COL13A1: variants seen among roughly 807,000 people sequenced by gnomAD.
COL13A1 encodes the protein collagen type XIII alpha 1 chain.
A neutral mutation model predicts 130.9 loss-of-function variants in COL13A1; 89 were observed. The ratio of observed to expected loss-of-function variants is 0.68; its 90% CI spans 0.57 to 0.81. The LOEUF (loss-of-function observed/expected upper bound fraction) is 0.81, where lower values mean the gene tolerates loss of function less well. Ranked by LOEUF, COL13A1 falls within the 30% of genes least tolerant of loss-of-function variation. The pLI is 0.00. For synonymous variants in COL13A1, 402 were observed against 341.6 expected, an observed-to-expected ratio of 1.18 and a Z score of -1.95; for missense variants, 879 against 934.6, an observed-to-expected ratio of 0.94 and a Z score of 0.78.
chr10:69,867,314 G>T (rs116413772), intron 2 of COL13A1, among the ~76,000 whole-genome samples: 3,735 of 152,328 alleles, frequency 0.025, 159 homozygotes, highest in African/African-American at 0.086. Flanking sequence ...CTCAGGCAGG[G>T]TGCACAGTGG....
At chr10:69,818,844 T>C (rs371325656) in intron 1 of COL13A1, among the ~76,000 whole-genome samples, 1 of 152,236 alleles carries the variant, frequency 6.6e-6, no homozygotes. Context: ...CACTGTTCTT[T>C]CCTGAGTCTA....
At position 69,935,541 on chromosome 10, in the gene COL13A1, C is replaced by T. The variant is rs998549211; in HGVS notation, c.1770+150C>T. ...AAACCCCTCCCCGCTCCTTTTCCCT[C>T]CCATGTTAAACAGCACCATACTGGG... is the stretch of plus-strand genomic sequence containing the variant. On this transcript the variant is annotated intron_variant, in intron 32 of 40. Coordinates refer to ENST00000645393, the MANE Select transcript of COL13A1 (RefSeq NM_001368882.1). The T allele has an allele frequency of 9.7e-6, 6 of 617,234 alleles. No individual in the cohort carries two copies. The South Asian group carries it at 1.1e-4, about 11-fold the overall frequency. The allele number at this position is 617,234 out of a possible 1,614,324, so 38.2% of individuals were successfully genotyped here.
At chr10:69,857,606 T>C (rs1856794574) in intron 2 of COL13A1, among the ~76,000 whole-genome samples, 1 of 152,184 alleles carries the variant, frequency 6.6e-6, no homozygotes, top group Non-Finnish European at 1.5e-5. Flanking sequence ...GGAACAGTTT[T>C]ATCCTGAACC....
At chr10:69,915,572 C>T (rs1001469103) in intron 17 of COL13A1, among the ~76,000 whole-genome samples, 2 of 152,190 alleles carry the variant, frequency 1.3e-5, no homozygotes, top group African/African-American at 4.8e-5. Context: ...GAGGATGCAG[C>T]GCTGAGTTAT....
intron 1 of COL13A1, among the ~76,000 whole-genome samples, chr10:69,814,471 C>G (rs1027850266): frequency 6.6e-6 from 1 of 152,182 alleles, no homozygotes; most frequent in Non-Finnish European, 1.5e-5. Flanking sequence ...AGAGAAGTGG[C>G]CTTCACCTGG....
chr10:69,820,921 GC>G (rs1307516424), intron 1 of COL13A1, among the ~76,000 whole-genome samples: 1 of 152,128 alleles, frequency 6.6e-6, no homozygotes, highest in Non-Finnish European at 1.5e-5. Context: ...TCCTTGTGAA[GC>G]TTTCTGACCT....
At chr10:69,868,346 C>T (rs1436247439) in intron 3 of COL13A1, among the ~76,000 whole-genome samples, 8 of 152,102 alleles carry the variant, frequency 5.3e-5, no homozygotes, top group African/African-American at 1.9e-4. Context: ...AGAGCGGTGT[C>T]AGCCGGTTAG....
chr10:69,918,844 C>T (rs1449766266), intron 19 of COL13A1, among the ~76,000 whole-genome samples: 2 of 152,190 alleles, frequency 1.3e-5, no homozygotes, highest in Non-Finnish European at 2.9e-5. Context: ...CCTGCCACAC[C>T]CCTCACCTGG....
chr10:69,950,692 G>A (rs1382853085), intron 38 of COL13A1, among the ~76,000 whole-genome samples: 1 of 152,190 alleles, frequency 6.6e-6, no homozygotes, highest in African/African-American at 2.4e-5. Flanking sequence ...TACCTAATAT[G>A]TGCATACATA....
chr10:69,916,423 C>A (rs2135488147), intron 17 of COL13A1, among the ~76,000 whole-genome samples: 1 of 152,298 alleles, frequency 6.6e-6, no homozygotes, highest in South Asian at 2.1e-4. Flanking sequence ...GGATTCAACT[C>A]CCAGAGCCAG....
chr10:69,854,789 A>G (rs571308511), intron 2 of COL13A1, among the ~76,000 whole-genome samples: 16 of 152,252 alleles, frequency 1.1e-4, no homozygotes, highest in Admixed American at 8.5e-4. Flanking sequence ...TGGGTCCTAG[A>G]TAGAGGAATG....
At chr10:69,946,409 G>A (rs1425234473) in intron 37 of COL13A1, among the ~76,000 whole-genome samples, 1 of 152,216 alleles carries the variant, frequency 6.6e-6, no homozygotes, top group Non-Finnish European at 1.5e-5. Context: ...GCCTTGCAGG[G>A]GACACCTGGC....
At chr10:69,829,486 C>T (rs1848294151) in intron 2 of COL13A1, among the ~76,000 whole-genome samples, 1 of 152,230 alleles carries the variant, frequency 6.6e-6, no homozygotes, top group Non-Finnish European at 1.5e-5. Flanking sequence ...GAGTAACAGA[C>T]TATGGCTGAC....
intron 2 of COL13A1, among the ~76,000 whole-genome samples, chr10:69,858,206 A>G (rs1168805194): frequency 6.6e-6 from 1 of 151,760 alleles, no homozygotes; most frequent in Non-Finnish European, 1.5e-5. Context: ...GGGCAGTATC[A>G]TATGCTTCTG....
In COL13A1 at chr10:69,919,167, G is replaced by A. The variant is rs372104390; in HGVS notation, c.1026+79G>A. On this transcript the variant is annotated intron_variant, in intron 20 of 40. Coordinates refer to ENST00000645393, the MANE Select transcript of COL13A1 (RefSeq NM_001368882.1). ...AGGTGGGAGGGGCTGCTGCTGTTTT[G>A]CTCTTGGTCCCCCTGAGGCTGGCCT... 4.0e-5 allele frequency: 63 copies of A among 1,588,976 alleles called. No individual in the cohort carries two copies. The African/African-American group carries it at 7.6e-4, about 19-fold the overall frequency.
intron 2 of COL13A1, among the ~76,000 whole-genome samples, chr10:69,863,596 G>A (rs538098488): frequency 2.1e-4 from 32 of 152,094 alleles, no homozygotes; most frequent in Non-Finnish European, 4.0e-4. Context: ...TGGATCCAGC[G>A]ACTGGGTGGC....
At chr10:69,889,477 G>A in intron 10 of COL13A1, 37 bp downstream of exon 10, 1 of 1,605,970 alleles carries the variant, frequency 6.2e-7, no homozygotes, top group Non-Finnish European at 8.5e-7. Flanking sequence ...CGAGATGGGT[G>A]GGGGTTGGCC....
At chr10:69,927,979 G>A (rs1273976547) in intron 27 of COL13A1, among the ~76,000 whole-genome samples, 2 of 152,126 alleles carry the variant, frequency 1.3e-5, no homozygotes, top group African/African-American at 4.8e-5. Context: ...GGCCAACATG[G>A]TGTCTCTACT....
intron 7 of COL13A1, among the ~76,000 whole-genome samples, chr10:69,884,938 T>A (rs1466128375): frequency 7.9e-5 from 12 of 152,228 alleles, no homozygotes. Context: ...AAAGCTCAAT[T>A]GTTCAAGAAA....
Sources: allele counts gnomAD v4.1 joint callset (sites outside exome capture counted in the v4.1 genomes callset), GRCh38; gene constraint gnomAD v4.1.1; transcripts MANE v1.5; gene names NCBI Gene and HGNC (gene_info 2026-07-23, HGNC 2026-07-21).